DGKI: variants seen among roughly 807,000 people sequenced by gnomAD.
DGKI encodes the protein diacylglycerol kinase iota, also known as DAG kinase iota.
A neutral mutation model predicts 147.5 loss-of-function variants in DGKI; 55 were observed. The observed-to-expected ratio is 0.37, with a 90% CI of 0.30 to 0.47. DGKI has a LOEUF of 0.47. DGKI is among the 20% of genes least tolerant of loss of function. The probability of loss-of-function intolerance (pLI) is 1.00; values close to 1 mark genes in which losing one functional copy is unlikely to be tolerated. For synonymous variants in DGKI, 469 were observed against 477.1 expected, an observed-to-expected ratio of 0.98 and a Z score of 0.22; for missense variants, 1,007 against 1,323.8, an observed-to-expected ratio of 0.76 and a Z score of 3.71.
At chr7:137,579,599 T>C (rs1406682364) in intron 15 of DGKI, among the ~76,000 whole-genome samples, 2 of 152,142 alleles carry the variant, frequency 1.3e-5, no homozygotes, top group African/African-American at 4.8e-5. Flanking sequence ...CAATATCTTA[T>C]AGTTATTTAA....
intron 21 of DGKI, among the ~76,000 whole-genome samples, chr7:137,500,221 T>C (rs574227998): frequency 6.6e-6 from 1 of 152,028 alleles, no homozygotes; most frequent in East Asian, 1.9e-4. Flanking sequence ...TTCTATGGCT[T>C]CAACCTGACC....
intron 28 of DGKI, 146 bp from the exon 29 acceptor site, chr7:137,412,353 G>GC: frequency 1.3e-6 from 1 of 746,548 alleles, no homozygotes; most frequent in South Asian, 1.6e-5. Context: ...GCAGACCGAG[G>GC]CCCCCTCTTT....
intron 23 of DGKI, among the ~76,000 whole-genome samples, chr7:137,484,923 T>C (rs1815500950): frequency 6.6e-6 from 1 of 152,034 alleles, no homozygotes; most frequent in African/African-American, 2.4e-5. Flanking sequence ...GGCAGTCATC[T>C]TGGACCACAA....
chr7:137,833,376 G>A (rs1798273754), intron 1 of DGKI, among the ~76,000 whole-genome samples: 1 of 152,192 alleles, frequency 6.6e-6, no homozygotes, highest in African/African-American at 2.4e-5. Flanking sequence ...ATGAATGGCA[G>A]CAGGCAAAGA....
chr7:137,716,393 C>T (rs1794377532), intron 1 of DGKI, among the ~76,000 whole-genome samples: 1 of 152,202 alleles, frequency 6.6e-6, no homozygotes, highest in Admixed American at 6.5e-5. Flanking sequence ...CCACAGGTAT[C>T]TCCAACTGCT....
At chr7:137,504,480 A>G (rs1246828350) in intron 21 of DGKI, among the ~76,000 whole-genome samples, 2 of 152,180 alleles carry the variant, frequency 1.3e-5, no homozygotes, top group Non-Finnish European at 2.9e-5. Context: ...CTTTTTAAAA[A>G]AGGTTATCAC....
intron 6 of DGKI, among the ~76,000 whole-genome samples, chr7:137,635,191 G>A (rs948751728): frequency 1.3e-5 from 2 of 152,194 alleles, no homozygotes; most frequent in African/African-American, 4.8e-5. Flanking sequence ...TGTAAGTGCA[G>A]TACCCTTGGT....
chr7:137,408,554 G>T (rs745641180), intron 29 of DGKI, among the ~76,000 whole-genome samples: 2 of 151,978 alleles, frequency 1.3e-5, no homozygotes, highest in Non-Finnish European at 2.9e-5. Context: ...GCACACACAC[G>T]AACACACATC....
rs138727612 is a variant in DGKI, at chr7:137,846,161, T to A, written c.401+301A>T. 0.018 allele frequency among the ~76,000 whole-genome samples: 1,991 copies of A among 108,222 alleles called. 19 individuals are homozygous for A. The highest frequency in any genetic ancestry group is 0.043 in the Middle Eastern group (8 of 188). 71.0% of individuals were successfully genotyped at this position (108,222 alleles called of 152,430 possible). A position where few individuals can be genotyped will look rare whatever the true frequency, so the allele number is the denominator to read the frequency against. Reference sequence around the variant, plus strand: ...CTCTCTCTCTCTCTCTCTCTCTCTCTCACACACACACACACACACACACAC... The same window carrying A: ...CTCTCTCTCTCTCTCTCTCTCTCTCACACACACACACACACACACACACAC... On this transcript the variant is annotated intron_variant, in intron 1 of 32. Coordinates refer to ENST00000614521, the MANE Select transcript of DGKI (RefSeq NM_001321708.2). This position sits in a 1 kb window ranked among gnomAD's most constrained non-coding sequence, Gnocchi z 4.0.
At chr7:137,496,012 A>G (rs1387352831) in intron 21 of DGKI, among the ~76,000 whole-genome samples, 1 of 152,022 alleles carries the variant, frequency 6.6e-6, no homozygotes, top group Non-Finnish European at 1.5e-5. Flanking sequence ...AAGAGAGGAA[A>G]TCAAACTATC....
At chr7:137,611,506 G>T (rs964677177) in intron 8 of DGKI, among the ~76,000 whole-genome samples, 1 of 152,188 alleles carries the variant, frequency 6.6e-6, no homozygotes, top group Non-Finnish European at 1.5e-5. Context: ...GATGAACAGA[G>T]ACAGGAATAT....
At position 137,592,122 on chromosome 7, in the gene DGKI, T is replaced by C. The variant is rs762449361; in HGVS notation, c.1312-4912A>G. Among the ~76,000 whole-genome samples, 15 of 152,338 alleles carry C rather than the reference T, an allele frequency of 9.8e-5. No individual in the cohort carries two copies. In the South Asian group the frequency reaches 1.7e-3, roughly 17 times the overall value. On this transcript the variant is annotated intron_variant, in intron 12 of 32. Transcript: ENST00000614521. The stretch of plus-strand genomic sequence containing the variant: ...AAGCTGTTACTGGAAGCTCTGTCTT[T>C]ACAGTAATCCGGAACCCGTTTCCAC...
intron 1 of DGKI, among the ~76,000 whole-genome samples, chr7:137,693,678 C>G (rs1823686243): frequency 6.6e-6 from 1 of 152,156 alleles, no homozygotes; most frequent in Non-Finnish European, 1.5e-5. Context: ...GAAATGCTTT[C>G]TGAGTTAATG....
At chr7:137,524,042 T>C (rs1336788582) in intron 20 of DGKI, among the ~76,000 whole-genome samples, 1 of 151,378 alleles carries the variant, frequency 6.6e-6, no homozygotes, top group Non-Finnish European at 1.5e-5. Flanking sequence ...CTATAAAGTC[T>C]GGATTGGCAG....
At chr7:137,534,040 AC>A (rs1047007833) in intron 20 of DGKI, among the ~76,000 whole-genome samples, 1 of 152,142 alleles carries the variant, frequency 6.6e-6, no homozygotes, top group Non-Finnish European at 1.5e-5. Context: ...GTTATGAGAG[AC>A]CAGCAAAACT....
At chr7:137,421,341 G>T (rs922966124) in intron 28 of DGKI, among the ~76,000 whole-genome samples, 3 of 150,686 alleles carry the variant, frequency 2.0e-5, no homozygotes, top group African/African-American at 5.0e-5. Flanking sequence ...AATAGGTTTT[G>T]TTTCTCTCTA....
chr7:137,477,696 AC>A (rs1251880890), intron 23 of DGKI, among the ~76,000 whole-genome samples: 1 of 152,076 alleles, frequency 6.6e-6, no homozygotes, highest in African/African-American at 2.4e-5. Flanking sequence ...TCACCCTGTC[AC>A]CCAGGCGGGA....
chr7:137,624,729 C>A (rs1261773132), intron 6 of DGKI, among the ~76,000 whole-genome samples: 1 of 152,026 alleles, frequency 6.6e-6, no homozygotes, highest in Admixed American at 6.5e-5. Context: ...CTGAGCCTCC[C>A]GAGTAGCTGG....
intron 23 of DGKI, among the ~76,000 whole-genome samples, chr7:137,472,399 T>TATTATATGTATATATACATATTATA (rs1815009428): frequency 9.2e-6 from 1 of 108,740 alleles, no homozygotes; most frequent in Non-Finnish European, 1.8e-5. Flanking sequence ...ATATTATAAT[T>TATTATATGTATATATACATATTATA]ATTATATGTA....
Sources: gnomAD v4.1 joint callset for allele counts (sites outside exome capture counted in the v4.1 genomes callset) on GRCh38, gnomAD v4.1.1 for gene constraint, Gnocchi (gnomAD v3.1) non-coding constraint, MANE v1.5 for transcripts, NCBI Gene and HGNC (gene_info 2026-07-23, HGNC 2026-07-21) for gene names.